MAMLD1: variants seen among roughly 807,000 people sequenced by gnomAD.
The protein encoded by MAMLD1 is mastermind-like domain-containing protein 1.
Under a neutral mutation model 45.0 loss-of-function variants are expected in MAMLD1, and 14 were observed. The observed-to-expected ratio is 0.31, with a 90% CI of 0.21 to 0.49. The LOEUF (loss-of-function observed/expected upper bound fraction) is 0.49, where lower values mean the gene tolerates loss of function less well. MAMLD1 is among the 20% of genes least tolerant of loss of function. MAMLD1 has a pLI of 0.99. For synonymous variants in MAMLD1, 254 were observed against 247.8 expected (o/e 1.02, Z -0.24); for missense variants, 543 against 603.6 (o/e 0.90, Z 1.05).
chrX:150,425,615 C>T (rs1359408786), intron 1 of MAMLD1, among the ~76,000 whole-genome samples: 3 of 112,002 alleles, frequency 2.7e-5, no homozygotes, highest in Non-Finnish European at 1.9e-5. Context: ...GTCCAGCCCT[C>T]CACCCAAGCT....
At chrX:150,426,516 C>G (rs1285752274) in intron 1 of MAMLD1, among the ~76,000 whole-genome samples, 1 of 112,324 alleles carries the variant, frequency 8.9e-6, no homozygotes, top group African/African-American at 3.2e-5. Context: ...CCCTGTACCA[C>G]AGTTTTGTCT....
Position 150,471,159 on chromosome X carries a change from C to T in MAMLD1, c.1586C>T (p.Ser529Phe). Residue 529 changes from serine to phenylalanine, a missense_variant, in exon 4 of 8, where the codon TCC becomes TTC. Ser to Phe is a radical substitution (Grantham distance 155). Transcript: ENST00000370401. ...SMIMQQGMAS[S>F]SPGATEPFTF... ...ATCATGCAGCAGGGGATGGCAAGCT[C>T]CAGCCCAGGAGCCACGGAGCCATTT... 2 of 1,211,910 alleles carry T rather than the reference C, an allele frequency of 1.7e-6. No homozygotes were observed. Among genetic ancestry groups the T allele is most frequent in the Non-Finnish European group, 2.2e-6 (2 of 895,567 alleles).
chrX:150,462,651 G>A, intron 2 of MAMLD1, 121 bp from the exon 3 acceptor site: 1 of 556,603 alleles, frequency 1.8e-6, no homozygotes, highest in Admixed American at 2.4e-5. Flanking sequence ...GATATATTTG[G>A]GGAGGCTCAT....
At chrX:150,461,988 A>G (rs1049464890) in intron 2 of MAMLD1, among the ~76,000 whole-genome samples, 3 of 112,275 alleles carry the variant, frequency 2.7e-5, no homozygotes, top group Admixed American at 9.4e-5. Context: ...AGGACAGGCC[A>G]TACCCGGTGG....
chrX:150,368,452 T>C (rs2031697543), intron 1 of MAMLD1, among the ~76,000 whole-genome samples: 1 of 110,720 alleles, frequency 9.0e-6, no homozygotes, highest in Non-Finnish European at 1.9e-5. Flanking sequence ...TTGTAGATTC[T>C]GTATATTAGC....
At chrX:150,437,783 A>C (rs888770928) in intron 1 of MAMLD1, among the ~76,000 whole-genome samples, 8 of 112,086 alleles carry the variant, frequency 7.1e-5, no homozygotes, top group African/African-American at 1.9e-4. Flanking sequence ...ACATTGACAC[A>C]GTCAAAATAC....
chrX:150,388,285 T>C (rs1366774982), intron 1 of MAMLD1, among the ~76,000 whole-genome samples: 1 of 112,122 alleles, frequency 8.9e-6, no homozygotes, highest in Non-Finnish European at 1.9e-5. Flanking sequence ...TGCATCTATA[T>C]TCATGAGGGG....
intron 6 of MAMLD1, among the ~76,000 whole-genome samples, chrX:150,508,692 G>C (rs1199464423): frequency 8.9e-6 from 1 of 112,653 alleles, no homozygotes; most frequent in Non-Finnish European, 1.9e-5. Context: ...TGAGTGCAGA[G>C]AAGGGTTCCC....
intron 5 of MAMLD1, among the ~76,000 whole-genome samples, chrX:150,499,430 C>T (rs2037487395): frequency 8.9e-6 from 1 of 111,947 alleles, no homozygotes; most frequent in African/African-American, 3.3e-5. Context: ...AGCATTCATC[C>T]ACTTCTTGCA....
chrX:150,385,277 TACAC>T (rs3066918), intron 1 of MAMLD1, among the ~76,000 whole-genome samples: 5,001 of 93,966 alleles, frequency 0.053, 300 homozygotes, highest in African/African-American at 0.17. Context: ...TGAACAATAC[TACAC>T]ACACACACAC....
intron 1 of MAMLD1, among the ~76,000 whole-genome samples, chrX:150,416,881 C>T (rs2034261398): frequency 8.9e-6 from 1 of 112,016 alleles, no homozygotes; most frequent in East Asian, 2.8e-4. Context: ...AGTCTCTAAG[C>T]GCAACACTAC....
At position 150,450,361 on chromosome X, in the gene MAMLD1, A is replaced by G. The variant is rs782612770; in HGVS notation, c.96+4749A>G. Among the ~76,000 whole-genome samples the G allele has an allele frequency of 1.2e-3, 129 of 112,092 alleles. 1 individual carries two copies. Among genetic ancestry groups the G allele is most frequent in the Non-Finnish European group, 1.9e-3 (101 of 53,155 alleles). On this transcript the variant is annotated intron_variant, in intron 2 of 7. Transcript: ENST00000370401. Reference sequence around the variant, plus strand: ...AGATTTACAGCTTTGAGTCTTTGCCAGCAGCCCCTGCTTCATGCAGGCTGA... The same window carrying G: ...AGATTTACAGCTTTGAGTCTTTGCCGGCAGCCCCTGCTTCATGCAGGCTGA...
intron 1 of MAMLD1, among the ~76,000 whole-genome samples, chrX:150,425,034 T>C (rs1557403753): frequency 8.9e-6 from 1 of 112,148 alleles, no homozygotes; most frequent in Non-Finnish European, 1.9e-5. Context: ...TAGCACGATG[T>C]TTAAACGGTT....
intron 5 of MAMLD1, among the ~76,000 whole-genome samples, chrX:150,486,158 T>C (rs2036978893): frequency 1.8e-5 from 2 of 112,203 alleles, no homozygotes. Flanking sequence ...ATGCTGTTTC[T>C]TTCTGGCTGT....
At chrX:150,414,052 C>T (rs1262641085) in intron 1 of MAMLD1, among the ~76,000 whole-genome samples, 1 of 33,362 alleles carries the variant, frequency 3.0e-5, no homozygotes, top group African/African-American at 1.1e-4. Flanking sequence ...AAAAAAAGAG[C>T]CATAAACTAC....
chrX:150,383,388 T>G (rs1324317747), intron 1 of MAMLD1, among the ~76,000 whole-genome samples: 1 of 111,645 alleles, frequency 9.0e-6, no homozygotes, highest in African/African-American at 3.2e-5. Context: ...TGGATTTTAA[T>G]AGGTCACAGG....
intron 1 of MAMLD1, among the ~76,000 whole-genome samples, chrX:150,403,679 C>T (rs1302744846): frequency 2.8e-5 from 3 of 109,009 alleles, no homozygotes; most frequent in African/African-American, 1.0e-4. Context: ...GTGGCTCATG[C>T]CTGTAGTCTC....
intron 1 of MAMLD1, among the ~76,000 whole-genome samples, chrX:150,439,947 A>T (rs1307400796): frequency 3.2e-5 from 3 of 93,947 alleles, no homozygotes; most frequent in Admixed American, 1.1e-4. Flanking sequence ...ACTCTGTCTT[A>T]AAAAAAAAAA....
intron 1 of MAMLD1, among the ~76,000 whole-genome samples, chrX:150,417,088 C>A (rs1391390278): frequency 9.1e-6 from 1 of 109,968 alleles, no homozygotes; most frequent in Non-Finnish European, 1.9e-5. Context: ...TATACATGTG[C>A]CATGCTGGTG....
Sources: gnomAD v4.1 joint callset for allele counts (sites outside exome capture counted in the v4.1 genomes callset) on GRCh38, gnomAD v4.1.1 for gene constraint, MANE v1.5 for transcripts, NCBI Gene and HGNC (gene_info 2026-07-23, HGNC 2026-07-21) for gene names.